The following MUTYH variants were observed in gnomAD, a reference collection of about 807,000 sequenced individuals.
MUTYH encodes the protein adenine DNA glycosylase.
In MUTYH, 64 loss-of-function variants were observed where a neutral mutation model predicts 72.9. That is an observed-to-expected ratio of 0.88 (90% CI 0.72 to 1.08). MUTYH has a LOEUF of 1.08. MUTYH is among the 50% of genes least tolerant of loss of function. The pLI is 0.00. For missense variants in MUTYH, 633 were observed against 671.0 expected, an observed-to-expected ratio of 0.94 and a Z score of 0.63; for synonymous variants, 234 against 263.1, an observed-to-expected ratio of 0.89 and a Z score of 1.07.
chr1:45,330,228 C>CAAA (rs34168747), intron 15 of MUTYH, among the ~76,000 whole-genome samples: 35 of 62,930 alleles, frequency 5.6e-4, no homozygotes, highest in East Asian at 1.5e-3. Context: ...GAGACTGTCT[C>CAAA]AAAAAAAAAA....
chr1:45,339,301 C>G lies in MUTYH; in HGVS notation c.-7+598G>C, dbSNP rs138874933. Among the ~76,000 whole-genome samples the G allele has an allele frequency of 7.3e-3, 1,104 of 151,072 alleles. 16 individuals carry two copies. Among genetic ancestry groups the G allele is most frequent in the African/African-American group, 0.025 (1,026 of 41,016 alleles). ...GATCTCGGCTCACCGCAACCTCTGC[C>G]TCCCAGGTTCAAGCGATTCTCCTGC... On this transcript the variant is annotated intron_variant, in intron 1 of 15. Transcript: ENST00000456914.
intron 1 of MUTYH, among the ~76,000 whole-genome samples, chr1:45,337,558 A>T (rs1022581804): frequency 6.7e-6 from 1 of 149,708 alleles, no homozygotes; most frequent in Non-Finnish European, 1.5e-5. Context: ...TAAATACTGT[A>T]GGCCTTTACT....
At chr1:45,334,132 G>A (rs1377555052) in intron 2 of MUTYH, 9 of 443,530 alleles carry the variant, frequency 2.0e-5, no homozygotes, top group South Asian at 8.2e-5. Flanking sequence ...TCAGCTTCCC[G>A]AGTAGCTGGG....
chr1:45,337,428 G>A (rs1203915984), intron 1 of MUTYH, among the ~76,000 whole-genome samples: 1 of 152,088 alleles, frequency 6.6e-6, no homozygotes, highest in African/African-American at 2.4e-5. Flanking sequence ...AAAGTGCTGG[G>A]ATACAGGCAT....
rs765382093 is a variant in MUTYH, at chr1:45,339,895, C to A, written c.-7+4G>T. 2.1e-5 allele frequency: 30 copies of A among 1,407,732 alleles called. No homozygotes were observed. Among genetic ancestry groups the A allele is most frequent in the Non-Finnish European group, 2.8e-5 (30 of 1,055,342 alleles). The allele number at this position is 1,407,732 out of a possible 1,614,324, so 87.2% of individuals were successfully genotyped here. A position where few individuals can be genotyped will look rare whatever the true frequency, so the allele number is the denominator to read the frequency against. On this transcript the variant is annotated splice_donor_region_variant and intron_variant, in intron 1 of 15. Coordinates refer to ENST00000456914, the MANE Select transcript of MUTYH (RefSeq NM_001048174.2). ...CCAAACCCAGCCACCCCACTACCCG[C>A]TACCCGCGGCCCACGCTGATGAAGA...
Position 45,339,954 on chromosome 1 carries a change from G to T in MUTYH, c.-62C>A, listed in dbSNP as rs1272117637. ...CACGGAGGCCCCGCGTTCCCGCCGC[G>T]AGAGCAGGAGAGAAAGATTACCTCC... On this transcript the variant is annotated 5_prime_UTR_variant, in exon 1 of 16. Transcript: ENST00000456914. 7 of 1,498,652 alleles carry T rather than the reference G, an allele frequency of 4.7e-6. No homozygotes were observed. Among genetic ancestry groups the T allele is most frequent in the South Asian group, 2.4e-5 (2 of 83,520 alleles). 92.8% of individuals were successfully genotyped at this position (1,498,652 alleles called of 1,614,324 possible). A position where few individuals can be genotyped will look rare whatever the true frequency, so the allele number is the denominator to read the frequency against.
In MUTYH at chr1:45,332,039, A is replaced by G. The variant is rs149334084; in HGVS notation, c.897T>C (p.Pro299=). ...GGTGCTCACCACACTCCTCCACGTCAGGACTGCCCGACAGGCTCCCTGAGG... is the reference window on the plus strand; with the variant it reads ...GGTGCTCACCACACTCCTCCACGTCGGGACTGCCCGACAGGCTCCCTGAGG... ...LLASGSLSGS[P]DVEECAPNTG... The change falls in exon 11 of 16, where the codon CCT becomes CCC. Residue 299 remains proline (P), a synonymous_variant. Transcript: ENST00000456914. 25 of 1,614,224 alleles carry G rather than the reference A, an allele frequency of 1.5e-5. No individual in the cohort carries two copies. In the African/African-American group the frequency reaches 1.6e-4, roughly 10 times the overall value.
chr1:45,333,546 G>A lies in MUTYH; in HGVS notation c.131C>T (p.Pro44Leu), dbSNP rs759140181. The change falls in exon 3 of 16, where the codon CCG becomes CTG. Residue 44 changes from proline to leucine, a missense_variant. Physicochemically the swap from Pro to Leu is moderately conservative, Grantham distance 98. Coordinates refer to ENST00000456914, the MANE Select transcript of MUTYH (RefSeq NM_001048174.2). ...AGAGGCCTGCAATACCACCTCTTCCGGCTGCCTGGCCAGGCCTGCTGGGGC... is the reference window on the plus strand; with the variant it reads ...AGAGGCCTGCAATACCACCTCTTCCAGCTGCCTGGCCAGGCCTGCTGGGGC... ...PSACDGLARQPEEVVLQASVS... is the reference protein window; with the variant it reads ...PSACDGLARQLEEVVLQASVS... 30 of 1,613,740 alleles carry A rather than the reference G, an allele frequency of 1.9e-5. No homozygotes were observed. The highest frequency in any genetic ancestry group is 4.0e-5 in the African/African-American group (3 of 74,916).
At position 45,332,636 on chromosome 1, in the gene MUTYH, G is replaced by A. The variant is rs376561094; in HGVS notation, c.544C>T (p.Gln182Ter). 3 of 1,614,052 alleles carry A rather than the reference G, an allele frequency of 1.9e-6. No homozygotes were observed. Among genetic ancestry groups the A allele is most frequent in the Non-Finnish European group, 2.5e-6 (3 of 1,180,026 alleles). ...TAGCGCCCCACGCCAGGCAGGAGCT[G>A]CTGCAGGGTCTCTGCTGTACGTGGC... is the stretch of plus-strand genomic sequence containing the variant. ...HMPRTAETLQ[Q>*]LLPGVGRYTA... Residue 182 changes from glutamine (Q) to a stop codon, truncating the protein, a stop_gained, in exon 8 of 16, where the codon CAG becomes TAG. Transcript: ENST00000456914. LOFTEE classifies it high-confidence loss of function.
At chr1:45,339,841 C>T in intron 1 of MUTYH, 58 bp downstream of exon 1, 1 of 1,332,054 alleles carries the variant, frequency 7.5e-7, no homozygotes. Flanking sequence ...TTAAGCTCAG[C>T]TCAGGCAGCG....
In MUTYH at chr1:45,332,440, G is replaced by A. The variant is rs587782885; in HGVS notation, c.655C>T (p.Arg219Ter). The A allele has an allele frequency of 7.4e-6, 12 of 1,613,834 alleles. No individual in the cohort carries two copies. The highest frequency in any genetic ancestry group is 1.6e-4 in the Middle Eastern group (1 of 6,084). ...CTGCTGGGATCAGCACCAATGGCTC[G>A]GACACGGCACAGCACCCGTGCTACG... ...GNVARVLCRV[R>*]AIGADPSSTL... The change falls in exon 9 of 16, where the codon CGA becomes TGA. Residue 219 changes from arginine to a stop codon, truncating the protein, a stop_gained. Transcript: ENST00000456914. LOFTEE classifies it high-confidence loss of function.
intron 11 of MUTYH, 29 bp from the exon 12 acceptor site, chr1:45,331,878 C>G: frequency 1.2e-6 from 2 of 1,602,198 alleles, no homozygotes; most frequent in Non-Finnish European, 1.7e-6. Context: ...GAACCCTACT[C>G]AAGCCAAGAG....
Position 45,332,240 on chromosome 1 carries a change from C to A in MUTYH, c.775G>T (p.Ala259Ser). Reference sequence around the variant, plus strand: ...GGGCGCTGTGGGGTACACACTGTGGCCCCTAGCTCCATGGCTGCTTGGTTG... The same window carrying A: ...GGGCGCTGTGGGGTACACACTGTGGACCCTAGCTCCATGGCTGCTTGGTTG... ...DFNQAAMELG[A>S]TVCTPQRPLC... Residue 259 changes from alanine (A) to serine (S), a missense_variant, in exon 10 of 16, where the codon GCC becomes TCC. Physicochemically the swap from Ala to Ser is moderately conservative, Grantham distance 99. Coordinates refer to ENST00000456914, the MANE Select transcript of MUTYH (RefSeq NM_001048174.2). 1 of 1,614,118 alleles carries A rather than the reference C, an allele frequency of 6.2e-7. No individual in the cohort carries two copies. The highest frequency in any genetic ancestry group is 8.5e-7 in the Non-Finnish European group (1 of 1,179,986).
intron 2 of MUTYH, 142 bp downstream of exon 2, chr1:45,334,249 A>G (rs1342541736): frequency 7.6e-7 from 1 of 1,322,368 alleles, no homozygotes. Context: ...TCGGCCTCCC[A>G]AAGTGCTGGG....
chr1:45,336,442 C>T (rs1045667981), intron 1 of MUTYH, among the ~76,000 whole-genome samples: 11 of 152,326 alleles, frequency 7.2e-5, no homozygotes, highest in Middle Eastern at 3.4e-3. Flanking sequence ...TGAAGATCTA[C>T]AAAAGAAGTG....
chr1:45,330,036 CA>C (rs1644504480), intron 15 of MUTYH: 3 of 153,656 alleles, frequency 2.0e-5, no homozygotes, highest in Admixed American at 1.3e-4. Flanking sequence ...AGTTCGAGAC[CA>C]GCCTAGTCAA....
At chr1:45,339,813 C>G (rs1229377383) in intron 1 of MUTYH, 86 bp downstream of exon 1, 5 of 1,307,548 alleles carry the variant, frequency 3.8e-6, no homozygotes, top group Non-Finnish European at 5.1e-6. Context: ...CTCTCCTAGT[C>G]TAACTCCTGG....
chr1:45,333,669 A>G (rs1038294555), intron 2 of MUTYH, 108 bp from the exon 3 acceptor site: 21 of 1,497,822 alleles, frequency 1.4e-5, no homozygotes, highest in Non-Finnish European at 1.8e-5. Context: ...GCTTCCCCCA[A>G]CTAACCCCCT....
At chr1:45,340,256 G>C (rs781609463), upstream of MUTYH, 11 of 1,613,628 alleles carry the variant, frequency 6.8e-6, no homozygotes, top group Non-Finnish European at 7.6e-6. Context: ...CGGTGTCATG[G>C]CCGCCGACAG....
Sources: gnomAD v4.1 joint callset for allele counts (sites outside exome capture counted in the v4.1 genomes callset) on GRCh38, gnomAD v4.1.1 for gene constraint, MANE v1.5 for transcripts, NCBI Gene and HGNC (gene_info 2026-07-23, HGNC 2026-07-21) for gene names.